The following ARFGAP3 variants were observed in gnomAD, a reference collection of about 807,000 sequenced individuals.
ARFGAP3 encodes the protein ARF GTPase activating protein 3.
In ARFGAP3, 72 loss-of-function variants were observed where a neutral mutation model predicts 75.0. The observed-to-expected ratio is 0.96, with a 90% CI of 0.79 to 1.17. The LOEUF (loss-of-function observed/expected upper bound fraction) is 1.17. Ranked by LOEUF, ARFGAP3 falls within the 50% of genes most tolerant of loss-of-function variation. The probability of loss-of-function intolerance (pLI) is 0.00; values close to 1 mark genes in which losing one functional copy is unlikely to be tolerated. For missense variants in ARFGAP3, 620 were observed against 626.6 expected (o/e 0.99, Z 0.11); for synonymous variants, 221 against 217.9 (o/e 1.01, Z -0.13).
At chr22:42,846,206 C>T (rs528053209) in intron 2 of ARFGAP3, among the ~76,000 whole-genome samples, 1 of 152,214 alleles carries the variant, frequency 6.6e-6, no homozygotes, top group South Asian at 2.1e-4. Flanking sequence ...TGGTTCCTTC[C>T]CTAGAAAAGA....
At position 42,850,881 on chromosome 22, in the gene ARFGAP3, A is replaced by G. The variant is rs553949633; in HGVS notation, c.70-3249T>C. On this transcript the variant is annotated intron_variant, in intron 1 of 15. Coordinates refer to ENST00000263245, the MANE Select transcript of ARFGAP3 (RefSeq NM_014570.5). ...TGTGACAGGTGATGAGGTATGAAAA[A>G]GTAGCAGCACAAACACTAGCTGAAC... 3.3e-5 allele frequency among the ~76,000 whole-genome samples: 5 copies of G among 152,362 alleles called. 1 individual carries two copies. In the South Asian group the frequency reaches 1.0e-3, roughly 32 times the overall value.
intron 11 of ARFGAP3, among the ~76,000 whole-genome samples, chr22:42,812,613 C>T (rs1925417420): frequency 6.6e-6 from 1 of 152,158 alleles, no homozygotes; most frequent in Non-Finnish European, 1.5e-5. Flanking sequence ...GAGCTAAGAT[C>T]TGGGTGGGGG....
intron 2 of ARFGAP3, among the ~76,000 whole-genome samples, chr22:42,845,966 A>G (rs1926997625): frequency 1.4e-5 from 2 of 138,808 alleles, no homozygotes; most frequent in Admixed American, 1.6e-4. Context: ...TGAACCCAGG[A>G]GGTGGAGGTT....
Position 42,831,572 on chromosome 22 carries a change from T to G in ARFGAP3, c.542A>C (p.Glu181Ala). The G allele has an allele frequency of 6.2e-7, 1 of 1,613,974 alleles. No homozygotes were observed. Among genetic ancestry groups the G allele is most frequent in the Non-Finnish European group, 8.5e-7 (1 of 1,179,950 alleles). ...ACCTTCATTATTTTCCAAAGTGGTT[T>G]CCACAGGCCTTGATGTTAAAGAAGA... ...EPSSLTSRPV[E>A]TTLENNEGGQ... Residue 181 changes from glutamate to alanine, a missense_variant, in exon 6 of 16, where the codon GAA (glutamate) becomes GCA (alanine). Physicochemically the swap from Glu to Ala is moderately radical, Grantham distance 107. Coordinates refer to ENST00000263245, the MANE Select transcript of ARFGAP3 (RefSeq NM_014570.5).
At chr22:42,831,948 A>G (rs549678994) in intron 5 of ARFGAP3, among the ~76,000 whole-genome samples, 1 of 151,948 alleles carries the variant, frequency 6.6e-6, no homozygotes, top group Non-Finnish European at 1.5e-5. Flanking sequence ...ACGCCCAGCT[A>G]AAGTTTAAAT....
chr22:42,852,598 T>C (rs537677496), intron 1 of ARFGAP3, among the ~76,000 whole-genome samples: 14 of 152,092 alleles, frequency 9.2e-5, no homozygotes, highest in African/African-American at 3.4e-4. Context: ...TGAGCTCAGA[T>C]GATCCACCCA....
At chr22:42,849,381 G>C (rs560195169) in intron 1 of ARFGAP3, among the ~76,000 whole-genome samples, 1 of 152,328 alleles carries the variant, frequency 6.6e-6, no homozygotes, top group Admixed American at 6.5e-5. Flanking sequence ...CTTAGATGCA[G>C]GTTCATAACC....
intron 4 of ARFGAP3, 197 bp from the exon 5 acceptor site, chr22:42,834,522 C>T: frequency 1.7e-6 from 1 of 590,716 alleles, no homozygotes. Flanking sequence ...GCTTCCAAAC[C>T]TTGAGGAAGT....
chr22:42,843,245 C>T (rs931004212), intron 2 of ARFGAP3, among the ~76,000 whole-genome samples: 9 of 152,148 alleles, frequency 5.9e-5, no homozygotes, highest in African/African-American at 1.2e-4. Flanking sequence ...GCAGCTAAAG[C>T]GCTCCACAAT....
At chr22:42,838,407 C>T (rs768817323) in intron 3 of ARFGAP3, among the ~76,000 whole-genome samples, 55 of 151,558 alleles carry the variant, frequency 3.6e-4, no homozygotes, top group Admixed American at 2.6e-4. Flanking sequence ...AAGTGATCCT[C>T]CCACCTCAGC....
chr22:42,825,737 C>T (rs1926010873), intron 7 of ARFGAP3, among the ~76,000 whole-genome samples: 2 of 150,426 alleles, frequency 1.3e-5, no homozygotes, highest in Admixed American at 1.3e-4. Flanking sequence ...AATAACAATA[C>T]TTTCTAAATT....
chr22:42,820,149 C>A (rs533094100), intron 9 of ARFGAP3, among the ~76,000 whole-genome samples: 1 of 152,314 alleles, frequency 6.6e-6, no homozygotes, highest in Admixed American at 6.5e-5. Flanking sequence ...CCCGATTTTA[C>A]ACACGCTCTG....
At chr22:42,827,148 G>T (rs551819800) in intron 6 of ARFGAP3, 149 bp from the exon 7 acceptor site, 3 of 1,281,386 alleles carry the variant, frequency 2.3e-6, no homozygotes, top group Non-Finnish European at 3.0e-6. Flanking sequence ...CTATTTTAAC[G>T]TTATAAGAAT....
chr22:42,851,590 G>A (rs938980934), intron 1 of ARFGAP3, among the ~76,000 whole-genome samples: 1 of 152,194 alleles, frequency 6.6e-6, no homozygotes, highest in Non-Finnish European at 1.5e-5. Flanking sequence ...AGACTGGGAC[G>A]TGTGGAGGTC....
At chr22:42,823,765 C>A in intron 7 of ARFGAP3, 63 bp from the exon 8 acceptor site, 2 of 1,391,004 alleles carry the variant, frequency 1.4e-6, no homozygotes, top group South Asian at 1.4e-5. Context: ...TTTAGTGTGT[C>A]TTTTAAAATT....
chr22:42,854,539 C>G (rs1012187698), intron 1 of ARFGAP3, among the ~76,000 whole-genome samples: 3 of 152,006 alleles, frequency 2.0e-5, no homozygotes, highest in Admixed American at 6.6e-5. Flanking sequence ...GCAAGAGAAT[C>G]GCTTGAACCT....
chr22:42,850,571 CAAAAAAAA>C (rs57841993), intron 1 of ARFGAP3, among the ~76,000 whole-genome samples: 9 of 57,584 alleles, frequency 1.6e-4, no homozygotes, highest in South Asian at 1.1e-3. Context: ...ACCCTGCTAT[CAAAAAAAA>C]AAAAAAAAAA....
intron 14 of ARFGAP3, among the ~76,000 whole-genome samples, chr22:42,804,953 T>C (rs1332415454): frequency 1.3e-5 from 2 of 152,198 alleles, no homozygotes; most frequent in Non-Finnish European, 2.9e-5. Context: ...AGCTCTTTGT[T>C]GAAATATGCT....
chr22:42,836,942 G>A (rs933593341), intron 3 of ARFGAP3, among the ~76,000 whole-genome samples: 1 of 152,240 alleles, frequency 6.6e-6, no homozygotes, highest in African/African-American at 2.4e-5. Flanking sequence ...TCCAAGCACA[G>A]AACTCACAGC....
Sources: allele counts gnomAD v4.1 joint callset (sites outside exome capture counted in the v4.1 genomes callset), GRCh38; gene constraint gnomAD v4.1.1; transcripts MANE v1.5; gene names NCBI Gene and HGNC (gene_info 2026-07-23, HGNC 2026-07-21).